Variants in DGKB observed in about 807,000 individuals in gnomAD.
The protein encoded by DGKB is 90 kDa diacylglycerol kinase.
DGKB carries 67 observed loss-of-function variants against 114.3 expected under a neutral mutation model. That is an observed-to-expected ratio of 0.59 (90% CI 0.48 to 0.72). DGKB has a LOEUF of 0.72. DGKB is among the 30% of genes least tolerant of loss of function. DGKB has a pLI of 0.00. For missense variants in DGKB, 907 were observed against 975.2 expected (o/e 0.93, Z 0.93); for synonymous variants, 398 against 323.1 (o/e 1.23, Z -2.49).
intron 17 of DGKB, among the ~76,000 whole-genome samples, chr7:14,603,647 C>T (rs1803969292): frequency 6.6e-6 from 1 of 151,940 alleles, no homozygotes; most frequent in African/African-American, 2.4e-5. Flanking sequence ...TTGACTGTTG[C>T]ATTATATTTT....
intron 19 of DGKB, 123 bp from the exon 20 acceptor site, chr7:14,574,495 A>T (rs1798835737): frequency 2.7e-6 from 2 of 754,396 alleles, no homozygotes; most frequent in Non-Finnish European, 4.2e-6. Context: ...TTTGAAGCAC[A>T]TTCTGCCACC....
At chr7:14,825,015 TG>T (rs1845473060) in intron 2 of DGKB, among the ~76,000 whole-genome samples, 1 of 69,740 alleles carries the variant, frequency 1.4e-5, no homozygotes. Flanking sequence ...TGTATGTGTA[TG>T]TATATATATA....
chr7:14,749,061 C>A (rs6948251), intron 4 of DGKB, among the ~76,000 whole-genome samples: 8,384 of 151,978 alleles, frequency 0.055, 338 homozygotes, highest in Admixed American at 0.11. Flanking sequence ...ATATCATTAA[C>A]TAATTATATC....
At chr7:14,661,823 A>G (rs1354728774) in intron 13 of DGKB, among the ~76,000 whole-genome samples, 1 of 152,152 alleles carries the variant, frequency 6.6e-6, no homozygotes, top group Non-Finnish European at 1.5e-5. Flanking sequence ...CCACAATGAT[A>G]GACTGGATTA....
intron 13 of DGKB, among the ~76,000 whole-genome samples, chr7:14,643,745 G>C (rs890871418): frequency 3.3e-5 from 5 of 152,086 alleles, no homozygotes; most frequent in Non-Finnish European, 7.3e-5. Flanking sequence ...TCTAGCAGTG[G>C]GGCCACCACA....
chr7:14,843,585 C>G (rs183990215), intron 1 of DGKB, among the ~76,000 whole-genome samples: 91 of 152,024 alleles, frequency 6.0e-4, no homozygotes, highest in African/African-American at 2.0e-3. Context: ...CCACCCGCCT[C>G]GGCCTCCCAA....
intron 23 of DGKB, among the ~76,000 whole-genome samples, chr7:14,251,915 T>C (rs1242399801): frequency 6.6e-6 from 1 of 152,194 alleles, no homozygotes; most frequent in African/African-American, 2.4e-5. Flanking sequence ...TCTTCTCTTG[T>C]CACTTTCACA....
At chr7:14,186,022 C>T (rs1783368839) in intron 23 of DGKB, among the ~76,000 whole-genome samples, 2 of 152,116 alleles carry the variant, frequency 1.3e-5, no homozygotes, top group Admixed American at 6.5e-5. Context: ...GTAGCTGGGA[C>T]CTAATTAAAC....
chr7:14,619,691 T>G (rs984517515), intron 15 of DGKB, among the ~76,000 whole-genome samples: 2 of 151,666 alleles, frequency 1.3e-5, no homozygotes, highest in African/African-American at 4.8e-5. Flanking sequence ...TCTAGTCAGA[T>G]GGTCTTCATT....
At chr7:14,439,821 T>A (rs1173876662) in intron 21 of DGKB, among the ~76,000 whole-genome samples, 2 of 142,614 alleles carry the variant, frequency 1.4e-5, no homozygotes, top group African/African-American at 5.3e-5. Flanking sequence ...CCTGAGATCA[T>A]GCCACTGCAC....
intron 21 of DGKB, among the ~76,000 whole-genome samples, chr7:14,375,726 A>G (rs115808202): frequency 0.013 from 1,991 of 152,260 alleles, 47 homozygotes; most frequent in African/African-American, 0.045. Flanking sequence ...CTTCGATAGC[A>G]CTTCCTGCCA....
intron 23 of DGKB, among the ~76,000 whole-genome samples, chr7:14,270,587 C>T (rs1798134681): frequency 1.3e-5 from 2 of 152,144 alleles, no homozygotes; most frequent in African/African-American, 4.8e-5. Context: ...GAGTCTTTGT[C>T]CATGTGGTGC....
chr7:14,242,491 C>T (rs1008487396), intron 23 of DGKB, among the ~76,000 whole-genome samples: 1 of 152,090 alleles, frequency 6.6e-6, no homozygotes, highest in Non-Finnish European at 1.5e-5. Flanking sequence ...TGAGAAGGAG[C>T]GGAGAGCTGT....
intron 5 of DGKB, among the ~76,000 whole-genome samples, chr7:14,722,678 G>A (rs1376017706): frequency 1.3e-5 from 2 of 151,990 alleles, no homozygotes; most frequent in East Asian, 1.9e-4. Context: ...TGGGCGCGGT[G>A]GTACATGCTT....
At chr7:14,684,483 A>G (rs1821346084) in intron 10 of DGKB, among the ~76,000 whole-genome samples, 1 of 152,188 alleles carries the variant, frequency 6.6e-6, no homozygotes, top group African/African-American at 2.4e-5. Flanking sequence ...CTTTTTTATC[A>G]GGACTATCAT....
chr7:14,388,789 T>G (rs1288822238), intron 21 of DGKB, among the ~76,000 whole-genome samples: 1 of 152,076 alleles, frequency 6.6e-6, no homozygotes, highest in Non-Finnish European at 1.5e-5. Context: ...CCAAAAACAT[T>G]TACAAGATAG....
At chr7:14,661,892 C>A (rs558978312) in intron 13 of DGKB, among the ~76,000 whole-genome samples, 68 of 152,210 alleles carry the variant, frequency 4.5e-4, no homozygotes, top group African/African-American at 1.6e-3. Context: ...ATGATGAGTT[C>A]ACGTCCTTTG....
At chr7:14,491,636 T>C (rs1246599612) in intron 20 of DGKB, among the ~76,000 whole-genome samples, 1 of 152,150 alleles carries the variant, frequency 6.6e-6, no homozygotes, top group Non-Finnish European at 1.5e-5. Flanking sequence ...TTCAGAAATT[T>C]AGAGGCTGCT....
At chr7:14,658,071 G>T (rs1460845195) in intron 13 of DGKB, among the ~76,000 whole-genome samples, 1 of 151,912 alleles carries the variant, frequency 6.6e-6, no homozygotes. Flanking sequence ...GCATAATTTA[G>T]TAGAATTCTT....
Sources: allele counts gnomAD v4.1 joint callset (sites outside exome capture counted in the v4.1 genomes callset), GRCh38; gene constraint gnomAD v4.1.1; transcripts MANE v1.5; gene names NCBI Gene and HGNC (gene_info 2026-07-23, HGNC 2026-07-21).